Variants in FAM178B observed in about 807,000 individuals in gnomAD.
FAM178B encodes protein FAM178B.
In FAM178B, 82 loss-of-function variants were observed where a neutral mutation model predicts 91.7. The observed-to-expected ratio is 0.89, with a 90% CI of 0.75 to 1.07. FAM178B has a LOEUF of 1.07. Among genes scored for constraint, FAM178B ranks in the 50% least tolerant of loss-of-function variants. The pLI is 0.00. For missense variants in FAM178B, 769 were observed against 846.7 expected, an observed-to-expected ratio of 0.91 and a Z score of 1.14; for synonymous variants, 368 against 359.4, an observed-to-expected ratio of 1.02 and a Z score of -0.27.
chr2:96,907,571 C>T (rs1031021555), intron 12 of FAM178B, among the ~76,000 whole-genome samples: 1 of 152,258 alleles, frequency 6.6e-6, no homozygotes, highest in African/African-American at 2.4e-5. Context: ...CTTCTGCCTC[C>T]GCCCTGTCCC....
At chr2:96,953,260 C>T (rs908491657) in intron 6 of FAM178B, among the ~76,000 whole-genome samples, 4 of 152,204 alleles carry the variant, frequency 2.6e-5, no homozygotes, top group East Asian at 3.9e-4. Context: ...CCCAGCAAGA[C>T]GCATGGTTCA....
chr2:96,964,822 G>A (rs746746263), intron 5 of FAM178B, among the ~76,000 whole-genome samples: 7 of 151,952 alleles, frequency 4.6e-5, no homozygotes, highest in African/African-American at 9.7e-5. Context: ...TAAATCATAC[G>A]TCAATCATTC....
rs371900668 is a variant in FAM178B at position 96,970,458 on chromosome 2, G to C, written c.626+258C>G. ...GGAGGAGACACCCTCAAACTGGCAGGAGTTGGGCAGAATGGAGCCAAGGTG... is the reference window on the plus strand; with the variant it reads ...GGAGGAGACACCCTCAAACTGGCAGCAGTTGGGCAGAATGGAGCCAAGGTG... On this transcript the variant is annotated intron_variant, in intron 4 of 16. Transcript: ENST00000490605. Among the ~76,000 whole-genome samples the C allele has an allele frequency of 2.0e-4, 30 of 152,330 alleles. No homozygotes were observed. In the East Asian group the frequency reaches 3.7e-3, roughly 19 times the overall value.
intron 12 of FAM178B, among the ~76,000 whole-genome samples, chr2:96,905,073 C>A (rs1232024981): frequency 1.5e-5 from 2 of 132,294 alleles, no homozygotes; most frequent in African/African-American, 2.8e-5. Context: ...ATGCAAATGG[C>A]AAACTTCAGC....
chr2:96,899,106 G>C (rs913536557), intron 13 of FAM178B, among the ~76,000 whole-genome samples: 1 of 152,248 alleles, frequency 6.6e-6, no homozygotes, highest in Non-Finnish European at 1.5e-5. Context: ...GCAGCCCTGG[G>C]CTTGCAGTGG....
intron 8 of FAM178B, among the ~76,000 whole-genome samples, chr2:96,936,038 G>C (rs1004551689): frequency 2.0e-5 from 3 of 152,012 alleles, no homozygotes; most frequent in Non-Finnish European, 4.4e-5. Flanking sequence ...ACTAACATAT[G>C]ATGTAAATAA....
chr2:96,984,145 A>T (rs577232151), intron 1 of FAM178B, among the ~76,000 whole-genome samples: 1 of 151,940 alleles, frequency 6.6e-6, no homozygotes, highest in East Asian at 2.0e-4. Flanking sequence ...AATTTTTAGT[A>T]GTGATGGGGT....
In FAM178B at chr2:96,896,938, C is replaced by G. The variant is rs1317573092; in HGVS notation, c.1651-2887G>C. Among the ~76,000 whole-genome samples the G allele has an allele frequency of 5.9e-5, 9 of 152,336 alleles. No individual in the cohort carries two copies. The East Asian group carries it at 1.7e-3, about 29-fold the overall frequency. ...CTGGAGTGCAGTGGCACAATCTCTG[C>G]TCTCTGCAACCTCCACCTCCTGGGC... On this transcript the variant is annotated intron_variant, in intron 13 of 16. Transcript: ENST00000490605.
intron 1 of FAM178B, chr2:96,977,844 G>A (rs775189708): frequency 1.3e-5 from 6 of 451,696 alleles, no homozygotes; most frequent in African/African-American, 4.1e-5. Context: ...CAGCGTTGAC[G>A]GTTTTTGCTG....
rs1482060308 is a variant in FAM178B at position 96,972,227 on chromosome 2, G to C, written c.238C>G (p.Arg80Gly). The change falls in exon 3 of 17, where the codon CGG becomes GGG. Residue 80 changes from arginine to glycine, a missense_variant. Arg to Gly is a moderately radical substitution (Grantham distance 125). Transcript: ENST00000490605. ...PLDQGPRCPA[R>G]RPCSPASAPA... ...GCCGAGGCAGGGCTGCAGGGCCGCCGGGCAGGGCAGCGGGGCCCCTGGTCC... is the reference window on the plus strand; with the variant it reads ...GCCGAGGCAGGGCTGCAGGGCCGCCCGGCAGGGCAGCGGGGCCCCTGGTCC... 1.3e-6 allele frequency: 2 copies of C among 1,537,520 alleles called. No individual in the cohort carries two copies. The highest frequency in any genetic ancestry group is 2.0e-5 in the Admixed American group (1 of 48,848).
chr2:96,953,749 T>G (rs931494352), intron 6 of FAM178B, among the ~76,000 whole-genome samples: 35 of 152,202 alleles, frequency 2.3e-4, no homozygotes, highest in African/African-American at 7.7e-4. Flanking sequence ...GCCGAGTGCA[T>G]GCTCGGTGGG....
At chr2:96,979,845 T>C (rs1389619785) in intron 1 of FAM178B, among the ~76,000 whole-genome samples, 3 of 152,236 alleles carry the variant, frequency 2.0e-5, no homozygotes, top group African/African-American at 2.4e-5. Flanking sequence ...TGAGTCGGGA[T>C]TGCACTGAGT....
chr2:96,926,379 G>T (rs1055295028), intron 9 of FAM178B, among the ~76,000 whole-genome samples: 6 of 152,200 alleles, frequency 3.9e-5, no homozygotes, highest in Non-Finnish European at 8.8e-5. Context: ...GGTCTTCAGC[G>T]GCCAGGCCTG....
At chr2:96,887,829 G>C (rs552376330) in intron 14 of FAM178B, among the ~76,000 whole-genome samples, 10 of 152,156 alleles carry the variant, frequency 6.6e-5, no homozygotes, top group Non-Finnish European at 1.5e-4. Flanking sequence ...TGCCTAGGGA[G>C]AGAGGCCCCG....
In FAM178B at chr2:96,967,503, A is replaced by T; in HGVS notation, c.734+17T>A. On this transcript the variant is annotated intron_variant, in intron 5 of 16. Transcript: ENST00000490605. ...TCTTTCCCCTTCGGAGGCTGGTGCC[A>T]GGCCCCTGCCCCTCACCTGTGCTCG... The T allele has an allele frequency of 6.7e-7, 1 of 1,500,966 alleles. No homozygotes were observed. The highest frequency in any genetic ancestry group is 9.1e-7 in the Non-Finnish European group (1 of 1,103,784). 93.0% of individuals were successfully genotyped at this position (1,500,966 alleles called of 1,614,324 possible).
chr2:96,909,727 T>C (rs1329099543), intron 12 of FAM178B, among the ~76,000 whole-genome samples: 1 of 152,200 alleles, frequency 6.6e-6, no homozygotes, highest in Non-Finnish European at 1.5e-5. Flanking sequence ...ATTGTGCAGC[T>C]GGGCCTCCCT....
At chr2:96,948,359 C>T (rs116690214) in intron 7 of FAM178B, among the ~76,000 whole-genome samples, 162 of 152,328 alleles carry the variant, frequency 1.1e-3, no homozygotes, top group Non-Finnish European at 2.0e-3. Context: ...TCCAGGTCAG[C>T]GCCTTAACAC....
intron 12 of FAM178B, among the ~76,000 whole-genome samples, chr2:96,917,635 C>A (rs1029847957): frequency 6.6e-6 from 1 of 152,168 alleles, no homozygotes; most frequent in Non-Finnish European, 1.5e-5. Flanking sequence ...GTGGGAAGAT[C>A]ACTTCAGCCC....
At chr2:96,947,465 T>C (rs1394267526) in intron 8 of FAM178B, among the ~76,000 whole-genome samples, 1 of 152,172 alleles carries the variant, frequency 6.6e-6, no homozygotes, top group African/African-American at 2.4e-5. Context: ...CCTCTCAAGC[T>C]AACCGGCGCT....
Sources: gnomAD v4.1 joint callset for allele counts (sites outside exome capture counted in the v4.1 genomes callset) on GRCh38, gnomAD v4.1.1 for gene constraint, MANE v1.5 for transcripts, NCBI Gene and HGNC (gene_info 2026-07-23, HGNC 2026-07-21) for gene names.